The following MCM3AP variants were observed in gnomAD, a reference collection of about 807,000 sequenced individuals.
The protein encoded by MCM3AP is germinal-center associated nuclear protein.
A neutral mutation model predicts 184.1 loss-of-function variants in MCM3AP; 126 were observed. The ratio of observed to expected loss-of-function variants is 0.68; its 90% CI spans 0.59 to 0.79. MCM3AP has a LOEUF of 0.79. Ranked by LOEUF, MCM3AP falls within the 30% of genes least tolerant of loss-of-function variation. MCM3AP has a pLI of 0.00. For synonymous variants in MCM3AP, 1,002 were observed against 979.3 expected (o/e 1.02, Z -0.43); for missense variants, 2,496 against 2,479.2 (o/e 1.01, Z -0.14).
chr21:46,277,188 T>C (rs186675984), intron 5 of MCM3AP, among the ~76,000 whole-genome samples: 18 of 152,304 alleles, frequency 1.2e-4, no homozygotes, highest in East Asian at 1.2e-3. Context: ...CAGTTCAACA[T>C]TGTAACAGTG....
At chr21:46,256,592 C>G in intron 17 of MCM3AP, 197 bp downstream of exon 17, 1 of 631,404 alleles carries the variant, frequency 1.6e-6, no homozygotes, top group African/African-American at 1.8e-5. Context: ...GCCAGTGGAA[C>G]AAGTCACATG....
Position 46,260,875 on chromosome 21 carries a change from C to T in MCM3AP, c.3499G>A (p.Glu1167Lys). The change falls in exon 15 of 28, where the codon GAG becomes AAG. Residue 1167 changes from glutamate to lysine, a missense_variant. Glu to Lys is a moderately conservative substitution (Grantham distance 56). Around this residue, in one of 5 missense-constraint regions of MCM3AP, gnomAD observed 1,323 missense variants for 1,273.4 expected, o/e 1.04. Transcript: ENST00000291688. The stretch of plus-strand genomic sequence containing the variant: ...TCCACGGCCAGGCCCTGGCTCAGCT[C>T]ACTTAACACCAGCTCTCTCTCTTGT... Reference protein sequence around the residue: ...LKQERELVLSELSQGLAVELM... With the variant: ...LKQERELVLSKLSQGLAVELM... 6.2e-7 allele frequency: 1 copy of T among 1,613,896 alleles called. No homozygotes were observed. Among genetic ancestry groups the T allele is most frequent in the Non-Finnish European group, 8.5e-7 (1 of 1,179,750 alleles).
chr21:46,279,589 A>C (rs937391214), intron 4 of MCM3AP, among the ~76,000 whole-genome samples: 4 of 152,260 alleles, frequency 2.6e-5, no homozygotes, highest in Non-Finnish European at 5.9e-5. Context: ...TGTACCAGCT[A>C]TAACAACTGT....
rs548845905 is a variant in MCM3AP at position 46,254,769 on chromosome 21, G to C, written c.4001+7C>G. 30 of 1,612,698 alleles carry C rather than the reference G, an allele frequency of 1.9e-5. No individual in the cohort carries two copies. In the East Asian group the frequency reaches 6.7e-4, roughly 36 times the overall value. ...GGGGGTGCGCAGAAGGGTGCAGCAT[G>C]ACAGACCTCAGCAGCTGCTGGTAGA... On this transcript the variant is annotated splice_region_variant and intron_variant, in intron 18 of 27. Transcript: ENST00000291688.
chr21:46,237,339 G>A (rs1406838893), intron 26 of MCM3AP, among the ~76,000 whole-genome samples: 2 of 152,072 alleles, frequency 1.3e-5, no homozygotes, highest in Non-Finnish European at 2.9e-5. Context: ...CTGACCTCAG[G>A]TGATCCACCC....
At chr21:46,271,330 T>TG (rs1301419126) in intron 8 of MCM3AP, among the ~76,000 whole-genome samples, 2 of 150,854 alleles carry the variant, frequency 1.3e-5, no homozygotes, top group East Asian at 2.0e-4. Flanking sequence ...ACCTGGGTTT[T>TG]TTTTTTTTTT....
intron 6 of MCM3AP, 86 bp from the exon 7 acceptor site, chr21:46,273,671 C>T: frequency 1.1e-6 from 1 of 900,284 alleles, no homozygotes. Context: ...GGGAAAATCA[C>T]ATACACACCC....
chr21:46,263,989 G>A, intron 13 of MCM3AP, 128 bp downstream of exon 13: 1 of 579,770 alleles, frequency 1.7e-6, no homozygotes, highest in South Asian at 2.3e-5. Flanking sequence ...TCCTGACACT[G>A]TATCTGGCAA....
At chr21:46,254,007 T>C (rs1358556781) in intron 19 of MCM3AP, 1 of 253,128 alleles carries the variant, frequency 4.0e-6, no homozygotes, top group Non-Finnish European at 7.7e-6. Context: ...CTCTCTCTCT[T>C]CCTCCTGCTT....
chr21:46,242,035 TG>T (rs1426414793), intron 25 of MCM3AP: 2 of 152,180 alleles, frequency 1.3e-5, no homozygotes. Flanking sequence ...TAACATGTTG[TG>T]GATCTATCTA....
At chr21:46,263,628 A>T (rs943602597) in intron 13 of MCM3AP, among the ~76,000 whole-genome samples, 1 of 151,562 alleles carries the variant, frequency 6.6e-6, no homozygotes, top group Non-Finnish European at 1.5e-5. Context: ...CACAAAAAAT[A>T]AAAAAATTAG....
chr21:46,254,406 T>C lies in MCM3AP; in HGVS notation c.4122A>G (p.Pro1374=). 6.2e-7 allele frequency: 1 copy of C among 1,614,192 alleles called. No individual in the cohort carries two copies. Among genetic ancestry groups the C allele is most frequent in the South Asian group, 1.1e-5 (1 of 91,080 alleles). ...LVLPDVEEQS[P]ESCGRILANW... is the part of the protein sequence containing the mutation. ...CCCTTCCTGACCTGCCACAACTCTCTGGGGACTGCTCCTCTACATCCGGCA... is the reference window on the plus strand; with the variant it reads ...CCCTTCCTGACCTGCCACAACTCTCCGGGGACTGCTCCTCTACATCCGGCA... Residue 1374 remains proline (P), a synonymous_variant, in exon 19 of 28, where the codon CCA becomes CCG. Transcript: ENST00000291688.
At chr21:46,263,953 A>T (rs573081340) in intron 13 of MCM3AP, among the ~76,000 whole-genome samples, 164 bp downstream of exon 13, 2 of 152,288 alleles carry the variant, frequency 1.3e-5, no homozygotes, top group East Asian at 3.9e-4. Flanking sequence ...AACCATCTTG[A>T]AAAAGAAGAA....
chr21:46,241,091 AC>A, intron 25 of MCM3AP, 74 bp from the exon 26 acceptor site: 1 of 1,078,162 alleles, frequency 9.3e-7, no homozygotes, highest in South Asian at 1.4e-5. Flanking sequence ...GCATGTAGAT[AC>A]ATTTGCACAT....
At chr21:46,248,865 A>C (rs543965853) in intron 20 of MCM3AP, among the ~76,000 whole-genome samples, 124 of 151,296 alleles carry the variant, frequency 8.2e-4, no homozygotes, top group African/African-American at 3.0e-3. Flanking sequence ...AATAGGATAG[A>C]AAATAGGATA....
intron 9 of MCM3AP, chr21:46,267,490 GACCCC>G (rs2081127878): frequency 4.8e-6 from 1 of 207,398 alleles, no homozygotes; most frequent in African/African-American, 2.3e-5. Flanking sequence ...TGCTGCAGAG[GACCCC>G]GGAGACCATG....
At position 46,284,226 on chromosome 21, in the gene MCM3AP, C is replaced by T. The variant is rs371008994; in HGVS notation, c.1061G>A (p.Arg354His). Residue 354 changes from arginine to histidine, a missense_variant, in exon 1 of 28, where the codon CGT becomes CAT. By Grantham distance (29) the Arg-to-His change is conservative. This residue lies in a region of MCM3AP where 800 missense variants were observed against 717.1 expected (regional missense o/e 1.12). Coordinates refer to ENST00000291688, the MANE Select transcript of MCM3AP (RefSeq NM_003906.5). ...DVFKSNKEVG[R>H]LGNKEAKKET... ...CTTTTTGGCCTCCTTGTTGCCCAGA[C>T]GACCTACTTCCTTATTGCTTTTGAA... 7.4e-6 allele frequency: 12 copies of T among 1,614,084 alleles called. No homozygotes were observed. Among genetic ancestry groups the T allele is most frequent in the African/African-American group, 2.7e-5 (2 of 74,922 alleles).
intron 1 of MCM3AP, 45 bp from the exon 2 acceptor site, chr21:46,283,883 A>C: frequency 6.3e-7 from 1 of 1,576,084 alleles, no homozygotes; most frequent in Non-Finnish European, 8.7e-7. Context: ...GATGTTTCCA[A>C]CAACAGGAGG....
intron 1 of MCM3AP, 73 bp from the exon 2 acceptor site, chr21:46,283,911 CA>C: frequency 6.4e-7 from 1 of 1,551,164 alleles, no homozygotes; most frequent in East Asian, 2.3e-5. Flanking sequence ...TGTGTCGAAG[CA>C]GAGGAAATTT....
Sources: allele counts gnomAD v4.1 joint callset (sites outside exome capture counted in the v4.1 genomes callset), GRCh38; gene constraint gnomAD v4.1.1; regional missense constraint gnomAD v4.1.1; transcripts MANE v1.5; gene names NCBI Gene and HGNC (gene_info 2026-07-23, HGNC 2026-07-21).